Variants in URI1 observed in about 807,000 individuals in gnomAD.
URI1 encodes URI1 prefoldin like chaperone, also known as unconventional prefoldin RPB5 interactor 1.
In URI1, 39 loss-of-function variants were observed where a neutral mutation model predicts 60.2. That is an observed-to-expected ratio of 0.65 (90% CI 0.50 to 0.85). The LOEUF (loss-of-function observed/expected upper bound fraction) is 0.85, where lower values mean the gene tolerates loss of function less well. URI1 is among the 40% of genes least tolerant of loss of function. The pLI is 0.00. For missense variants in URI1, 691 were observed against 665.9 expected, an observed-to-expected ratio of 1.04 and a Z score of -0.42; for synonymous variants, 251 against 236.8, an observed-to-expected ratio of 1.06 and a Z score of -0.55.
At chr19:29,934,898 C>G (rs2054955979) in intron 1 of URI1, among the ~76,000 whole-genome samples, 1 of 152,110 alleles carries the variant, frequency 6.6e-6, no homozygotes, top group Non-Finnish European at 1.5e-5. Context: ...CCTTTCGAAT[C>G]TTTTGATCCA....
intron 1 of URI1, among the ~76,000 whole-genome samples, chr19:29,950,759 A>T (rs1483807876): frequency 1.3e-5 from 2 of 151,992 alleles, no homozygotes; most frequent in East Asian, 3.9e-4. Context: ...GTCCTTTATA[A>T]CTCTCTTTCA....
intron 4 of URI1, among the ~76,000 whole-genome samples, chr19:29,997,324 CTT>C (rs1459415607): frequency 2.0e-5 from 3 of 152,102 alleles, no homozygotes; most frequent in Non-Finnish European, 4.4e-5. Flanking sequence ...AATTATCAAA[CTT>C]GTTGGCAGTC....
intron 4 of URI1, among the ~76,000 whole-genome samples, chr19:29,993,020 G>T (rs1247065774): frequency 6.6e-6 from 1 of 152,110 alleles, no homozygotes; most frequent in Non-Finnish European, 1.5e-5. Context: ...AATATGGGGA[G>T]AATTATTTTA....
chr19:29,955,782 G>T (rs2055238155), intron 1 of URI1, among the ~76,000 whole-genome samples: 1 of 151,546 alleles, frequency 6.6e-6, no homozygotes, highest in Non-Finnish European at 1.5e-5. Context: ...GTTGAGACAG[G>T]ATTTCACCAT....
In URI1 at chr19:29,983,609, A is replaced by C. The variant is rs535821092; in HGVS notation, c.153-1614A>C. Among the ~76,000 whole-genome samples, 510 of 151,986 alleles carry C rather than the reference A, an allele frequency of 3.4e-3. 3 individuals are homozygous for C. Among genetic ancestry groups the C allele is most frequent in the African/African-American group, 0.012 (494 of 41,432 alleles). On this transcript the variant is annotated intron_variant, in intron 2 of 10. Coordinates refer to ENST00000392271, the MANE Select transcript of URI1 (RefSeq NM_003796.3). Reference sequence around the variant, plus strand: ...ATTTTTGTTTCTGTTATTTTTAAAAACTGACAACATCCTTCTGCTTAAAAA... The same window carrying C: ...ATTTTTGTTTCTGTTATTTTTAAAACCTGACAACATCCTTCTGCTTAAAAA...
rs377242542 is a variant in URI1 at position 30,016,222 on chromosome 19, G to A, written c.*1153G>A. The A allele has an allele frequency of 6.6e-6, 1 of 152,018 alleles. No individual in the cohort carries two copies. Among genetic ancestry groups the A allele is most frequent in the Non-Finnish European group, 1.5e-5 (1 of 67,944 alleles). 9.4% of individuals were successfully genotyped at this position (152,018 alleles called of 1,614,324 possible). A position where few individuals can be genotyped will look rare whatever the true frequency, so the allele number is the denominator to read the frequency against. On this transcript the variant is annotated 3_prime_UTR_variant, in exon 11 of 11. Transcript: ENST00000392271. ...TGTCCTAGAAAAGTAGAAGCTATTC[G>A]TAACTAGAGCAGTGCAACTTTAAAG... is the stretch of plus-strand genomic sequence containing the variant.
chr19:29,978,660 A>T (rs1336830705), intron 2 of URI1, among the ~76,000 whole-genome samples: 2 of 152,142 alleles, frequency 1.3e-5, no homozygotes, highest in African/African-American at 4.8e-5. Context: ...ATAAGTCCAG[A>T]TTCCACTATA....
At chr19:29,998,924 T>TA (rs1281347577) in intron 4 of URI1, among the ~76,000 whole-genome samples, 3 of 152,140 alleles carry the variant, frequency 2.0e-5, no homozygotes, top group Non-Finnish European at 4.4e-5. Flanking sequence ...GATTTTTTTT[T>TA]ATGGTGAATG....
chr19:29,994,590 G>A (rs1568437393), intron 4 of URI1, among the ~76,000 whole-genome samples: 1 of 152,000 alleles, frequency 6.6e-6, no homozygotes, highest in Non-Finnish European at 1.5e-5. Context: ...GTTGTAGCAC[G>A]TGTCAGAATT....
At chr19:29,941,228 AGCAGATAAGGCAAGGCCACTTTCAC>A (rs1163946851), upstream of URI1, among the ~76,000 whole-genome samples, 1 of 152,196 alleles carries the variant, frequency 6.6e-6, no homozygotes, top group Non-Finnish European at 1.5e-5. Context: ...TAGCGACTGC[AGCAGATAAGGCAAGGCCACTTTCAC>A]GCAGTTAGGT....
intron 4 of URI1, among the ~76,000 whole-genome samples, chr19:29,990,256 G>A (rs1326543957): frequency 6.6e-6 from 1 of 152,212 alleles, no homozygotes; most frequent in Non-Finnish European, 1.5e-5. Context: ...ACTTGTTGGT[G>A]AGGATGTGAA....
At chr19:30,011,734 C>T (rs2056023078) in intron 9 of URI1, among the ~76,000 whole-genome samples, 4 of 150,612 alleles carry the variant, frequency 2.7e-5, no homozygotes, top group South Asian at 2.1e-4. Flanking sequence ...TAAATGTATA[C>T]GTGGGTCTAA....
intron 1 of URI1, among the ~76,000 whole-genome samples, chr19:29,936,788 T>G (rs1448000823): frequency 6.6e-6 from 1 of 152,194 alleles, no homozygotes; most frequent in Non-Finnish European, 1.5e-5. Context: ...AGTCTCACTC[T>G]ATTGCCCAGG....
intron 1 of URI1, among the ~76,000 whole-genome samples, chr19:29,943,103 TATA>T (rs1386913556): frequency 1.3e-5 from 2 of 152,100 alleles, no homozygotes; most frequent in Non-Finnish European, 2.9e-5. Flanking sequence ...TTTGTCACAA[TATA>T]ATGCCATTTA....
At chr19:29,963,306 G>T (rs113078254) in intron 1 of URI1, among the ~76,000 whole-genome samples, 2 of 151,772 alleles carry the variant, frequency 1.3e-5, no homozygotes, top group African/African-American at 4.8e-5. Flanking sequence ...TTTTATTTTT[G>T]AATCTCTGGG....
intron 10 of URI1, 113 bp downstream of exon 10, chr19:30,012,644 G>A: frequency 1.5e-6 from 2 of 1,303,020 alleles, no homozygotes. Flanking sequence ...ATACTTTCTT[G>A]GTACTAATTA....
At chr19:29,938,772 GT>G (rs898405681), upstream of URI1, among the ~76,000 whole-genome samples, 31 of 152,106 alleles carry the variant, frequency 2.0e-4, no homozygotes, top group African/African-American at 7.0e-4. Flanking sequence ...TGCCTCCCGG[GT>G]TCATGCCATT....
chr19:29,929,590 C>G (rs1369040068), intron 1 of URI1, among the ~76,000 whole-genome samples: 3 of 151,868 alleles, frequency 2.0e-5, no homozygotes, highest in African/African-American at 7.3e-5. Context: ...GAGTGAGACT[C>G]CATCTCAAAA....
intron 4 of URI1, among the ~76,000 whole-genome samples, chr19:29,998,170 T>C (rs543128774): frequency 1.4e-4 from 22 of 152,366 alleles, no homozygotes; most frequent in African/African-American, 5.1e-4. Context: ...TTTAATGTTA[T>C]TGAGCATTCC....
Sources: gnomAD v4.1 joint callset for allele counts (sites outside exome capture counted in the v4.1 genomes callset) on GRCh38, gnomAD v4.1.1 for gene constraint, MANE v1.5 for transcripts, NCBI Gene and HGNC (gene_info 2026-07-23, HGNC 2026-07-21) for gene names.